SLC22A23: variants seen among roughly 807,000 people sequenced by gnomAD.
SLC22A23 encodes ion transporter protein.
Under a neutral mutation model 61.0 loss-of-function variants are expected in SLC22A23, and 26 were observed. The observed-to-expected ratio is 0.43, with a 90% CI of 0.31 to 0.59. The LOEUF is 0.59. SLC22A23 is among the 20% of genes least tolerant of loss of function. The pLI is 0.11. For synonymous variants in SLC22A23, 430 were observed against 413.9 expected (o/e 1.04, Z -0.47); for missense variants, 796 against 934.7 (o/e 0.85, Z 1.94).
chr6:3,323,492 A>T (rs1376908677), intron 4 of SLC22A23: 2 of 416,412 alleles, frequency 4.8e-6, no homozygotes, highest in African/African-American at 2.0e-5. Flanking sequence ...CTAACACAAG[A>T]CCTCCACCTC....
chr6:3,345,573 C>T (rs1267036815), intron 3 of SLC22A23, among the ~76,000 whole-genome samples: 3 of 151,984 alleles, frequency 2.0e-5, no homozygotes, highest in Non-Finnish European at 4.4e-5. Context: ...CCATGTTGGC[C>T]AGGCTGGTCT....
At chr6:3,285,969 T>C (rs928049842) in intron 7 of SLC22A23, among the ~76,000 whole-genome samples, 1 of 152,188 alleles carries the variant, frequency 6.6e-6, no homozygotes. Flanking sequence ...TCCTGCCTGT[T>C]CACGTCGCGC....
chr6:3,286,839 C>G lies in SLC22A23; in HGVS notation c.1546+20G>C. 6.4e-7 allele frequency: 1 copy of G among 1,566,522 alleles called. No individual in the cohort carries two copies. Among genetic ancestry groups the G allele is most frequent in the Non-Finnish European group, 8.7e-7 (1 of 1,154,860 alleles). ...CCAGCTTCCCTCCCTGCACCCAGCCCACCTCCCCGACCCACTCACGGTTGA... is the reference window on the plus strand; with the variant it reads ...CCAGCTTCCCTCCCTGCACCCAGCCGACCTCCCCGACCCACTCACGGTTGA... On this transcript the variant is annotated intron_variant, in intron 7 of 9. Transcript: ENST00000406686. This position sits in a 1 kb window ranked among gnomAD's most constrained non-coding sequence, Gnocchi z 4.2.
At chr6:3,310,429 C>CCCACTG (rs754682639) in intron 4 of SLC22A23, among the ~76,000 whole-genome samples, 2 of 140,882 alleles carry the variant, frequency 1.4e-5, no homozygotes, top group Non-Finnish European at 3.1e-5. Flanking sequence ...GTCTCCCACT[C>CCCACTG]GAGCACCCTG....
intron 4 of SLC22A23, among the ~76,000 whole-genome samples, chr6:3,310,815 T>C (rs1383929779): frequency 2.0e-5 from 3 of 152,224 alleles, no homozygotes; most frequent in African/African-American, 7.2e-5. Context: ...GCTTGGCAAC[T>C]GTATGAGACG....
intron 3 of SLC22A23, among the ~76,000 whole-genome samples, chr6:3,352,450 T>C (rs1318540489): frequency 1.3e-5 from 2 of 151,652 alleles, no homozygotes; most frequent in East Asian, 1.9e-4. Context: ...CAGACACATA[T>C]TGACCCATTC....
At chr6:3,385,451 G>C (rs576913094) in intron 3 of SLC22A23, among the ~76,000 whole-genome samples, 1 of 152,332 alleles carries the variant, frequency 6.6e-6, no homozygotes, top group African/African-American at 2.4e-5. Context: ...GGGAGGCAGA[G>C]GTTGCAGTGT....
In SLC22A23 at chr6:3,327,014, G is replaced by A. The variant is rs975937150; in HGVS notation, c.914-3012C>T. On this transcript the variant is annotated intron_variant, in intron 3 of 9. Coordinates refer to ENST00000406686, the MANE Select transcript of SLC22A23 (RefSeq NM_015482.2). The surrounding 1 kb of genome is among the most constrained non-coding windows in gnomAD (Gnocchi z 4.1). Reference sequence around the variant, plus strand: ...GTGGATCGTTTCTGCTGGGAGGGACGGGGACTGCAGGTGGATCGTTTCTGC... The same window carrying A: ...GTGGATCGTTTCTGCTGGGAGGGACAGGGACTGCAGGTGGATCGTTTCTGC... Among the ~76,000 whole-genome samples the A allele has an allele frequency of 6.6e-5, 10 of 151,146 alleles. No homozygotes were observed. Among genetic ancestry groups the A allele is most frequent in the Admixed American group, 2.0e-4 (3 of 15,184 alleles).
chr6:3,429,942 G>A (rs1367817028), intron 1 of SLC22A23, among the ~76,000 whole-genome samples: 1 of 152,184 alleles, frequency 6.6e-6, no homozygotes, highest in Non-Finnish European at 1.5e-5. Context: ...GCTTCAGCTT[G>A]GGAAGATGAA....
chr6:3,446,643 C>G (rs796368472), intron 1 of SLC22A23, among the ~76,000 whole-genome samples: 5 of 152,196 alleles, frequency 3.3e-5, no homozygotes, highest in Non-Finnish European at 7.3e-5. Context: ...CTATTCATCC[C>G]CAGAACCCCT....
intron 6 of SLC22A23, 128 bp downstream of exon 6, chr6:3,289,636 C>G: frequency 1.4e-6 from 1 of 740,232 alleles, no homozygotes. Context: ...GCCCGTGTCA[C>G]TCTTCACACA....
intron 3 of SLC22A23, among the ~76,000 whole-genome samples, chr6:3,355,156 C>T (rs1240082224): frequency 6.6e-6 from 1 of 151,644 alleles, no homozygotes; most frequent in African/African-American, 2.4e-5. Context: ...AAACAGCTCC[C>T]TGTCTTTGTG....
intron 3 of SLC22A23, among the ~76,000 whole-genome samples, chr6:3,404,438 G>C (rs1487099731): frequency 1.3e-5 from 2 of 152,072 alleles, no homozygotes; most frequent in East Asian, 3.9e-4. Context: ...AGAGACATTT[G>C]CATTTTTTCC....
chr6:3,299,504 T>C (rs1561880020), intron 4 of SLC22A23, among the ~76,000 whole-genome samples: 1 of 152,092 alleles, frequency 6.6e-6, no homozygotes, highest in African/African-American at 2.4e-5. Context: ...GACAGAATCT[T>C]TTTCTTTTTT....
At chr6:3,415,469 T>C (rs142152785) in intron 2 of SLC22A23, among the ~76,000 whole-genome samples, 53 of 152,354 alleles carry the variant, frequency 3.5e-4, no homozygotes, top group Non-Finnish European at 5.3e-4. Context: ...AAGCTCTTTC[T>C]AATGAAACGT....
Position 3,323,164 on chromosome 6 carries a change from T to C in SLC22A23, c.1082+670A>G, listed in dbSNP as rs181193884. 110 of 440,900 alleles carry C rather than the reference T, an allele frequency of 2.5e-4. 1 individual carries two copies. Among genetic ancestry groups the C allele is most frequent in the African/African-American group, 2.0e-3 (98 of 49,558 alleles). 27.3% of individuals were successfully genotyped at this position (440,900 alleles called of 1,614,324 possible). A position where few individuals can be genotyped will look rare whatever the true frequency, so the allele number is the denominator to read the frequency against. Reference sequence around the variant, plus strand: ...AGGTCAAAAGACTTAAGGTTACCCATAGTTCAAAAAGGCATATTAGACTGA... The same window carrying C: ...AGGTCAAAAGACTTAAGGTTACCCACAGTTCAAAAAGGCATATTAGACTGA... On this transcript the variant is annotated intron_variant, in intron 4 of 9. Transcript: ENST00000406686.
intron 1 of SLC22A23, among the ~76,000 whole-genome samples, chr6:3,440,448 C>T (rs1353603213): frequency 1.3e-5 from 2 of 152,088 alleles, no homozygotes; most frequent in Non-Finnish European, 2.9e-5. Context: ...TGGCTCATGC[C>T]TGTAATCCCA....
chr6:3,356,012 T>C (rs1047515604), intron 3 of SLC22A23, among the ~76,000 whole-genome samples: 2 of 19,280 alleles, frequency 1.0e-4, no homozygotes, highest in African/African-American at 2.8e-4. Context: ...CTCATGAGGA[T>C]GAAAAACAGC....
intron 3 of SLC22A23, among the ~76,000 whole-genome samples, chr6:3,388,537 C>T (rs960625595): frequency 6.6e-6 from 1 of 152,140 alleles, no homozygotes; most frequent in African/African-American, 2.4e-5. Flanking sequence ...ACCATATGAC[C>T]CAGCCATCCC....
Sources: allele counts gnomAD v4.1 joint callset (sites outside exome capture counted in the v4.1 genomes callset), GRCh38; gene constraint gnomAD v4.1.1; non-coding constraint Gnocchi (gnomAD v3.1); transcripts MANE v1.5; gene names NCBI Gene and HGNC (gene_info 2026-07-23, HGNC 2026-07-21).